The following GSTT4 variants were observed in gnomAD, a reference collection of about 807,000 sequenced individuals.
GSTT4 encodes the protein glutathione S-transferase theta-4.
chr22:23,989,841 G>T, the GSTT4 span, among the ~76,000 whole-genome samples: 1 of 149,644 alleles, frequency 6.7e-6, no homozygotes, highest in African/African-American at 2.4e-5. Context: ...GTCAAGCCAG[G>T]CTCCAGTCTG....
chr22:23,997,975 T>C (rs949855904), downstream of GSTT4, among the ~76,000 whole-genome samples: 2 of 152,240 alleles, frequency 1.3e-5, no homozygotes, highest in African/African-American at 4.8e-5. Context: ...GTGAGTTTTC[T>C]AGTTTTCCTT....
chr22:24,003,283 C>T (rs1290412434), intron 2 of GSTT4, among the ~76,000 whole-genome samples: 2 of 80,634 alleles, frequency 2.5e-5, no homozygotes, highest in African/African-American at 3.4e-5. Context: ...GCAGTCTTGG[C>T]TCACTGCATC....
intron 1 of GSTT4, among the ~76,000 whole-genome samples, 173 bp from the exon 2 acceptor site, chr22:24,004,020 G>T (rs2034297240): frequency 6.6e-6 from 1 of 152,416 alleles, no homozygotes; most frequent in African/African-American, 2.4e-5. Context: ...GAACCGGACT[G>T]CGATCAGAAC....
chr22:23,992,579 G>A, the GSTT4 span, among the ~76,000 whole-genome samples: 1 of 151,062 alleles, frequency 6.6e-6, no homozygotes, highest in Admixed American at 6.6e-5. Context: ...AAGCTTTGCT[G>A]TTGCCATCTT....
At chr22:23,995,790 G>A (rs1356181164), downstream of GSTT4, among the ~76,000 whole-genome samples, 1 of 126,724 alleles carries the variant, frequency 7.9e-6, no homozygotes. Context: ...TTGCTGTGTT[G>A]AAATGTTGCT....
chr22:23,997,294 G>A (rs1213208176), downstream of GSTT4, among the ~76,000 whole-genome samples: 14 of 151,946 alleles, frequency 9.2e-5, no homozygotes, highest in Admixed American at 7.2e-4. Flanking sequence ...ATAGCTCGGT[G>A]TAACCTTGAA....
At chr22:24,002,557 A>G (rs913293542) in intron 2 of GSTT4, among the ~76,000 whole-genome samples, 3 of 36,438 alleles carry the variant, frequency 8.2e-5, no homozygotes, top group Non-Finnish European at 1.7e-4. Context: ...TTGGCTGGGC[A>G]CGGTGGCTCA....
At chr22:23,992,052 C>CAAAAAAAA in the GSTT4 span, among the ~76,000 whole-genome samples, 2,544 of 71,088 alleles carry the variant, frequency 0.036, 200 homozygotes, top group South Asian at 0.066. Flanking sequence ...TACTCCGTCT[C>CAAAAAAAA]AAAAAAAAAA....
chr22:23,999,340 G>A (rs1427740137), intron 4 of GSTT4, among the ~76,000 whole-genome samples: 1 of 151,346 alleles, frequency 6.6e-6, no homozygotes, highest in Admixed American at 6.6e-5. Context: ...GGTCTGCCCT[G>A]CAAACAGACC....
chr22:23,990,980 C>T, the GSTT4 span, among the ~76,000 whole-genome samples: 1 of 83,012 alleles, frequency 1.2e-5, no homozygotes, highest in Non-Finnish European at 2.8e-5. Context: ...AGGCCAGCCT[C>T]GGAAACACAG....
the GSTT4 span, among the ~76,000 whole-genome samples, chr22:23,992,531 G>C: frequency 2.7e-5 from 4 of 147,160 alleles, no homozygotes; most frequent in African/African-American, 1.0e-4. Flanking sequence ...TGTCGGCCTT[G>C]TGGGCCTACA....
intron 1 of GSTT4, chr22:24,004,471 G>A (rs1384955816): frequency 6.5e-6 from 1 of 153,280 alleles, no homozygotes; most frequent in Non-Finnish European, 1.4e-5. Flanking sequence ...TGCAGGCTGA[G>A]CTTTTGGAGT....
At chr22:23,995,282 G>T (rs1288132840), downstream of GSTT4, among the ~76,000 whole-genome samples, 1 of 152,046 alleles carries the variant, frequency 6.6e-6, no homozygotes, top group Admixed American at 6.6e-5. Flanking sequence ...ACAGGCATAC[G>T]CCACCACACC....
At chr22:23,997,271 C>T (rs554788645), downstream of GSTT4, among the ~76,000 whole-genome samples, 1 of 152,096 alleles carries the variant, frequency 6.6e-6, no homozygotes, top group East Asian at 1.9e-4. Flanking sequence ...GGCTGGAGTG[C>T]AGTGGTGCAA....
downstream of GSTT4, among the ~76,000 whole-genome samples, chr22:23,996,205 G>A (rs780635961): frequency 6.6e-6 from 1 of 151,942 alleles, no homozygotes. Context: ...GCCTCCCAAA[G>A]TGCTGGGATT....
At chr22:23,995,153 A>G (rs1320326409), downstream of GSTT4, among the ~76,000 whole-genome samples, 1 of 150,274 alleles carries the variant, frequency 6.7e-6, no homozygotes, top group South Asian at 2.1e-4. Flanking sequence ...TTTTTTTTTG[A>G]GTCAGAGTAT....
At chr22:23,990,411 G>T in the GSTT4 span, among the ~76,000 whole-genome samples, 3 of 84,690 alleles carry the variant, frequency 3.5e-5, no homozygotes, top group South Asian at 1.2e-3. Context: ...GGAGCTCAAG[G>T]TCAGCCTGGT....
chr22:23,989,713 A>G, the GSTT4 span, among the ~76,000 whole-genome samples: 78,103 of 149,768 alleles, frequency 0.52, 18,167 homozygotes, highest in South Asian at 0.63. Context: ...TTCCTTTCTT[A>G]TGCCAAACTC....
chr22:23,995,693 AG>A (rs1281007992), downstream of GSTT4, among the ~76,000 whole-genome samples: 1 of 152,192 alleles, frequency 6.6e-6, no homozygotes, highest in Non-Finnish European at 1.5e-5. Flanking sequence ...GCTGAAGAGC[AG>A]GACTCATTCT....
Sources: gnomAD v4.1 joint callset for allele counts (sites outside exome capture counted in the v4.1 genomes callset) on GRCh38, gnomAD v4.1.1 for gene constraint, MANE v1.5 for transcripts, NCBI Gene and HGNC (gene_info 2026-07-23, HGNC 2026-07-21) for gene names.